Variants in NPAS3 observed in about 807,000 individuals in gnomAD.
The protein encoded by NPAS3 is neuronal PAS domain-containing protein 3.
A neutral mutation model predicts 73.1 loss-of-function variants in NPAS3; 14 were observed. The observed-to-expected ratio is 0.19, with a 90% CI of 0.13 to 0.30. The LOEUF is 0.30. Ranked by LOEUF, NPAS3 falls within the 10% of genes least tolerant of loss-of-function variation. NPAS3 has a pLI of 1.00. For missense variants in NPAS3, 1,096 were observed against 1,250.0 expected, an observed-to-expected ratio of 0.88 and a Z score of 1.86; for synonymous variants, 620 against 541.5, an observed-to-expected ratio of 1.14 and a Z score of -2.01.
chr14:33,008,811 G>A (rs117186133), intron 1 of NPAS3, among the ~76,000 whole-genome samples: 74 of 152,228 alleles, frequency 4.9e-4, no homozygotes, highest in South Asian at 1.0e-3. Flanking sequence ...CAATAACTTA[G>A]CAAAGGTAAT....
chr14:33,168,281 T>G (rs1460226296), intron 2 of NPAS3, among the ~76,000 whole-genome samples: 2 of 152,080 alleles, frequency 1.3e-5, no homozygotes, highest in African/African-American at 4.8e-5. Context: ...AGAGACAGCT[T>G]ACTGTGTGTA....
chr14:32,953,443 C>T (rs893898170), intron 1 of NPAS3, among the ~76,000 whole-genome samples: 4 of 152,152 alleles, frequency 2.6e-5, no homozygotes, highest in African/African-American at 7.2e-5. Flanking sequence ...CTGAGTGAGG[C>T]GTCTTCTGTC....
chr14:33,375,520 A>G (rs1014371362), intron 4 of NPAS3, among the ~76,000 whole-genome samples: 3 of 152,216 alleles, frequency 2.0e-5, no homozygotes, highest in Admixed American at 6.5e-5. Context: ...ATAATTTTGC[A>G]TATTTAAATT....
chr14:33,393,459 T>C (rs2047091900), intron 4 of NPAS3, among the ~76,000 whole-genome samples: 1 of 152,204 alleles, frequency 6.6e-6, no homozygotes, highest in Non-Finnish European at 1.5e-5. Context: ...GCTCCATTTC[T>C]TAGGTCCGGA....
intron 2 of NPAS3, among the ~76,000 whole-genome samples, chr14:33,116,798 A>G (rs913078123): frequency 6.8e-6 from 1 of 146,092 alleles, no homozygotes; most frequent in Admixed American, 6.9e-5. Flanking sequence ...AGCAGCACGC[A>G]ACCACTTCTG....
intron 6 of NPAS3, among the ~76,000 whole-genome samples, chr14:33,700,095 T>C (rs903916705): frequency 6.6e-6 from 1 of 152,186 alleles, no homozygotes; most frequent in Non-Finnish European, 1.5e-5. Flanking sequence ...GGCTTGTTTT[T>C]TTAAAAGCAA....
intron 6 of NPAS3, chr14:33,680,650 T>TGTCA: frequency 1.4e-6 from 1 of 702,700 alleles, no homozygotes; most frequent in Non-Finnish European, 2.6e-6. Flanking sequence ...GTAGGACCCC[T>TGTCA]GTCAGGAAGA....
At chr14:33,641,619 T>G (rs1338441911) in intron 5 of NPAS3, among the ~76,000 whole-genome samples, 1 of 152,070 alleles carries the variant, frequency 6.6e-6, no homozygotes. Flanking sequence ...CTGATACCTC[T>G]CTCCTGATGG....
chr14:33,006,179 C>A (rs1224865375), intron 1 of NPAS3, among the ~76,000 whole-genome samples: 1 of 152,152 alleles, frequency 6.6e-6, no homozygotes, highest in Non-Finnish European at 1.5e-5. Context: ...CTAATCAGGA[C>A]TCTCAAAGAA....
intron 5 of NPAS3, among the ~76,000 whole-genome samples, chr14:33,631,615 T>G (rs1211423833): frequency 6.6e-6 from 1 of 152,236 alleles, no homozygotes; most frequent in Non-Finnish European, 1.5e-5. Flanking sequence ...TGGGAGCTAA[T>G]GAATGAAATG....
At chr14:33,155,821 G>C (rs766449578) in intron 2 of NPAS3, among the ~76,000 whole-genome samples, 1 of 152,168 alleles carries the variant, frequency 6.6e-6, no homozygotes. Context: ...TTTTGGGGAT[G>C]CCAGCAACAT....
chr14:32,942,158 CTATT>C (rs1264877288), intron 1 of NPAS3, among the ~76,000 whole-genome samples: 1 of 152,094 alleles, frequency 6.6e-6, no homozygotes, highest in African/African-American at 2.4e-5. Flanking sequence ...TGGTATCCTC[CTATT>C]TATTTAAAAA....
chr14:33,534,130 G>A (rs1310348115), intron 4 of NPAS3, among the ~76,000 whole-genome samples: 1 of 151,206 alleles, frequency 6.6e-6, no homozygotes, highest in Non-Finnish European at 1.5e-5. Context: ...ACAGCCGCCT[G>A]CTGACTATTA....
At chr14:33,195,527 A>C (rs539185990) in intron 2 of NPAS3, among the ~76,000 whole-genome samples, 1 of 152,296 alleles carries the variant, frequency 6.6e-6, no homozygotes, top group African/African-American at 2.4e-5. Flanking sequence ...TCGGCCTCCC[A>C]AAAATGCTGA....
At chr14:32,938,466 AGAGAGAGAGAGAGAGAAATT>A (rs2035776348), upstream of NPAS3, among the ~76,000 whole-genome samples, 7 of 129,214 alleles carry the variant, frequency 5.4e-5, no homozygotes, top group African/African-American at 1.2e-4. Context: ...AAAGAGAGAG[AGAGAGAGAGAGAGAGAAATT>A]GAGAGAGAGA....
chr14:33,586,266 A>G (rs2056859367), intron 5 of NPAS3, among the ~76,000 whole-genome samples: 2 of 135,602 alleles, frequency 1.5e-5, no homozygotes, highest in Non-Finnish European at 3.1e-5. Context: ...TCATAGCATA[A>G]TAATTCACTT....
At chr14:33,348,600 G>A (rs1399536994) in intron 3 of NPAS3, among the ~76,000 whole-genome samples, 1 of 152,112 alleles carries the variant, frequency 6.6e-6, no homozygotes, top group African/African-American at 2.4e-5. Context: ...AATGTATCCA[G>A]TTTTGTCTGT....
In NPAS3 at chr14:33,519,225, GT is replaced by G. The variant is rs2053449778; in HGVS notation, c.469-40893del. 3.3e-5 allele frequency among the ~76,000 whole-genome samples: 5 copies of G among 152,212 alleles called. No homozygotes were observed. In the South Asian group the frequency reaches 1.0e-3, roughly 32 times the overall value. On this transcript the variant is annotated intron_variant, in intron 4 of 11. Transcript: ENST00000356141. Reference sequence around the variant, plus strand: ...TTGATTTTACCCTCCTTTTGTGCGAGTTTCCCTTTTGATCCTTCTCATCAAA... The same window carrying G: ...TTGATTTTACCCTCCTTTTGTGCGAGTTCCCTTTTGATCCTTCTCATCAAA...
chr14:33,482,457 A>G (rs2051375630), intron 4 of NPAS3, among the ~76,000 whole-genome samples: 1 of 152,152 alleles, frequency 6.6e-6, no homozygotes. Context: ...ACACAGGAAA[A>G]TGTCTTCCCA....
Sources: allele counts gnomAD v4.1 joint callset (sites outside exome capture counted in the v4.1 genomes callset), GRCh38; gene constraint gnomAD v4.1.1; transcripts MANE v1.5; gene names NCBI Gene and HGNC (gene_info 2026-07-23, HGNC 2026-07-21).